Variants in DPF1 observed in about 807,000 individuals in gnomAD.
The protein encoded by DPF1 is double PHD fingers 1.
Under a neutral mutation model 58.7 loss-of-function variants are expected in DPF1, and 14 were observed. The observed-to-expected ratio is 0.24, with a 90% CI of 0.16 to 0.37. The LOEUF (loss-of-function observed/expected upper bound fraction) is 0.37, where lower values mean the gene tolerates loss of function less well. Among genes scored for constraint, DPF1 ranks in the 10% least tolerant of loss-of-function variants. The pLI is 1.00. For missense variants in DPF1, 345 were observed against 529.9 expected (o/e 0.65, Z 3.43); for synonymous variants, 216 against 216.0 (o/e 1.00, Z 0.00).
rs1451922074 is a variant in DPF1, at chr19:38,213,659, T to G, written c.996A>C (p.Gly332=). The G allele has an allele frequency of 6.2e-7, 1 of 1,613,226 alleles. No homozygotes were observed. The highest frequency in any genetic ancestry group is 2.2e-5 in the East Asian group (1 of 44,832). ...CIECKSCSLC[G]TSENDDQLLF... ...CGGCACTCACGTCGTTCTCGGAGGT[T>G]CCGCACAGGCTGCAGGATTTGCACT... The change falls in exon 10 of 12, where the codon GGA becomes GGC. Residue 332 remains glycine, a synonymous_variant. Coordinates refer to ENST00000355526, the MANE Select transcript of DPF1 (RefSeq NM_001135155.3).
At position 38,222,208 on chromosome 19, in the gene DPF1, C is replaced by A. The variant is rs1357870524; in HGVS notation, c.298+149G>T. On this transcript the variant is annotated intron_variant, in intron 3 of 11. Coordinates refer to ENST00000355526, the MANE Select transcript of DPF1 (RefSeq NM_001135155.3). This position sits in a 1 kb window ranked among gnomAD's most constrained non-coding sequence, Gnocchi z 4.9. ...CAGTGACTCAGAGAAACTGTGGAAT[C>A]TCTGGGAAACACCCGGGACGCACAT... 1.5e-6 allele frequency: 1 copy of A among 662,864 alleles called. No homozygotes were observed. The highest frequency in any genetic ancestry group is 2.5e-6 in the Non-Finnish European group (1 of 405,202). 41.1% of individuals were successfully genotyped at this position (662,864 alleles called of 1,614,324 possible). A position where few individuals can be genotyped will look rare whatever the true frequency, so the allele number is the denominator to read the frequency against.
At chr19:38,224,735 C>T (rs911066538), upstream of DPF1, among the ~76,000 whole-genome samples, 3 of 152,172 alleles carry the variant, frequency 2.0e-5, no homozygotes, top group African/African-American at 7.2e-5. The surrounding 1 kb of genome is among the most constrained non-coding windows in gnomAD (Gnocchi z 4.5). Flanking sequence ...GTCACCCCGC[C>T]CTGCTCAACG....
chr19:38,212,046 C>T lies in DPF1; in HGVS notation c.*17G>A, dbSNP rs1286523347. On this transcript the variant is annotated 3_prime_UTR_variant, in exon 12 of 12. Coordinates refer to ENST00000355526, the MANE Select transcript of DPF1 (RefSeq NM_001135155.3). ...GTAGGCGAGCACCACCCCAGAGTCG[C>T]GGCGAGCCGAGCCGGCCTAGGTGAG... The T allele has an allele frequency of 3.7e-6, 6 of 1,602,328 alleles. No homozygotes were observed. Among genetic ancestry groups the T allele is most frequent in the Non-Finnish European group, 5.1e-6 (6 of 1,176,704 alleles).
At chr19:38,219,296 G>C in intron 3 of DPF1, 1 of 558,954 alleles carries the variant, frequency 1.8e-6, no homozygotes. Context: ...GAAAGCCTCA[G>C]AAAAAGACAC....
chr19:38,228,400 AC>A (rs1486861116), upstream of DPF1, among the ~76,000 whole-genome samples: 3 of 105,238 alleles, frequency 2.9e-5, no homozygotes, highest in Non-Finnish European at 4.2e-5. Context: ...CTCTCCCCCC[AC>A]CCCCCACCCC....
At chr19:38,228,913 A>G (rs1373583570), upstream of DPF1, among the ~76,000 whole-genome samples, 1 of 151,560 alleles carries the variant, frequency 6.6e-6, no homozygotes, top group African/African-American at 2.4e-5. Flanking sequence ...CCGGTCCCCA[A>G]AGGGATCAGA....
upstream of DPF1, among the ~76,000 whole-genome samples, chr19:38,226,235 C>G (rs1476843471): frequency 6.7e-6 from 1 of 149,920 alleles, no homozygotes; most frequent in East Asian, 2.0e-4. Context: ...ACACCACCAC[C>G]CCGTCCCCCC....
At chr19:38,223,139 T>G in intron 1 of DPF1, 1 of 170,964 alleles carries the variant, frequency 5.8e-6, no homozygotes, top group Non-Finnish European at 1.2e-5. Context: ...CCAAGTTCCA[T>G]AGTGTGGAGA....
chr19:38,218,448 C>T (rs1351880669), intron 5 of DPF1, 125 bp downstream of exon 5: 32 of 972,018 alleles, frequency 3.3e-5, no homozygotes, highest in African/African-American at 4.9e-5. Context: ...CCCTGCAGGC[C>T]GCTCTGGGGA....
rs749037867 is a variant in DPF1, at chr19:38,224,128, G to T, written c.15C>A (p.Ile5=). MATV[I]PGPLSLGEDF... Reference sequence around the variant, plus strand: ...GCCCGCACCACCTCAGGGGGCCAGGGATGACAGTGGCCATCTTGCTCCCCG... The same window carrying T: ...GCCCGCACCACCTCAGGGGGCCAGGTATGACAGTGGCCATCTTGCTCCCCG... The change falls in exon 1 of 12, where the codon ATC becomes ATA. Residue 5 remains isoleucine, a synonymous_variant. Coordinates refer to ENST00000355526, the MANE Select transcript of DPF1 (RefSeq NM_001135155.3). The surrounding 1 kb of genome is among the most constrained non-coding windows in gnomAD (Gnocchi z 4.5). 3 of 1,489,688 alleles carry T rather than the reference G, an allele frequency of 2.0e-6. No homozygotes were observed. In the Admixed American group the frequency reaches 8.2e-5, roughly 41 times the overall value. 92.3% of individuals were successfully genotyped at this position (1,489,688 alleles called of 1,614,324 possible).
At chr19:38,224,856 A>G (rs905410668), upstream of DPF1, among the ~76,000 whole-genome samples, 2 of 152,258 alleles carry the variant, frequency 1.3e-5, no homozygotes, top group African/African-American at 4.8e-5. This position sits in a 1 kb window ranked among gnomAD's most constrained non-coding sequence, Gnocchi z 4.5. Flanking sequence ...CAAATGACTT[A>G]ACCTTTCTGG....
chr19:38,222,522 C>T lies in DPF1; in HGVS notation c.190+26G>A, dbSNP rs371842660. The T allele has an allele frequency of 3.2e-4, 510 of 1,605,900 alleles. No individual in the cohort carries two copies. In the Middle Eastern group the frequency reaches 3.4e-3, roughly 11 times the overall value. ...GGTGGGGCGGCCTGGCCCCGCCCCG[C>T]CCTGCGCCAGCCCTCCCGGCGGTAC... On this transcript the variant is annotated intron_variant, in intron 2 of 11. Transcript: ENST00000355526. This position sits in a 1 kb window ranked among gnomAD's most constrained non-coding sequence, Gnocchi z 4.9.
chr19:38,222,479 G>C lies in DPF1; in HGVS notation c.191-15C>G. The C allele has an allele frequency of 6.3e-7, 1 of 1,582,584 alleles. No individual in the cohort carries two copies. The highest frequency in any genetic ancestry group is 8.5e-7 in the Non-Finnish European group (1 of 1,170,008). ...CGGGGCCAAACCTGGAGAGAGAGGG[G>C]GGTGAGAGGGCGGCGGCGGTGGGGC... On this transcript the variant is annotated splice_polypyrimidine_tract_variant and intron_variant, in intron 2 of 11. Transcript: ENST00000355526. The surrounding 1 kb of genome is among the most constrained non-coding windows in gnomAD (Gnocchi z 4.9).
At chr19:38,227,907 A>T (rs1269416949), upstream of DPF1, 1 of 152,174 alleles carries the variant, frequency 6.6e-6, no homozygotes, top group Non-Finnish European at 1.5e-5. Context: ...TTGGAAGGGA[A>T]GGGCACAGAG....
rs1023438978 is a variant in DPF1 at position 38,211,890 on chromosome 19, C to G, written c.*173G>C. On this transcript the variant is annotated 3_prime_UTR_variant, in exon 12 of 12. Transcript: ENST00000355526. The surrounding 1 kb of genome is among the most constrained non-coding windows in gnomAD (Gnocchi z 4.0). Reference sequence around the variant, plus strand: ...AGGGAGAGGCCCTGGCCGGGCCCACCCACCCACAGGGCAGACATTCCACTT... The same window carrying G: ...AGGGAGAGGCCCTGGCCGGGCCCACGCACCCACAGGGCAGACATTCCACTT... 1.4e-5 allele frequency: 10 copies of G among 694,004 alleles called. No individual in the cohort carries two copies. The highest frequency in any genetic ancestry group is 8.1e-4 in the Middle Eastern group (2 of 2,468). 43.0% of individuals were successfully genotyped at this position (694,004 alleles called of 1,614,324 possible).
At position 38,222,546 on chromosome 19, in the gene DPF1, ACCCGG is replaced by A; in HGVS notation, c.187_190+1del. On this transcript the variant is annotated splice_donor_variant and coding_sequence_variant, in exon 2 of 12. Coordinates refer to ENST00000355526, the MANE Select transcript of DPF1 (RefSeq NM_001135155.3). LOFTEE classifies it high-confidence loss of function. This position sits in a 1 kb window ranked among gnomAD's most constrained non-coding sequence, Gnocchi z 4.9. ...GCCCTGCGCCAGCCCTCCCGGCGGT[ACCCGG>A]CCCGCGGTGGGTCTTCTCCATCCAG... 1 of 1,606,034 alleles carries A rather than the reference ACCCGG, an allele frequency of 6.2e-7. No homozygotes were observed. Among genetic ancestry groups the A allele is most frequent in the African/African-American group, 1.3e-5 (1 of 74,338 alleles).
At chr19:38,223,106 A>C in intron 1 of DPF1, 5 of 192,602 alleles carry the variant, frequency 2.6e-5, no homozygotes, top group East Asian at 1.3e-4. Flanking sequence ...ACACATAAAT[A>C]TCTACTGAAA....
At chr19:38,213,035 G>A (rs1019791545) in intron 10 of DPF1, among the ~76,000 whole-genome samples, 1 of 150,834 alleles carries the variant, frequency 6.6e-6, no homozygotes, top group African/African-American at 2.4e-5. Context: ...ACCCAGGCTG[G>A]AGTGTGCAGT....
chr19:38,217,319 C>T, intron 7 of DPF1, 141 bp downstream of exon 7: 3 of 1,185,704 alleles, frequency 2.5e-6, no homozygotes, highest in African/African-American at 3.1e-5. Flanking sequence ...AGCCAGCATC[C>T]CCATGGTCGG....
Sources: allele counts gnomAD v4.1 joint callset (sites outside exome capture counted in the v4.1 genomes callset), GRCh38; gene constraint gnomAD v4.1.1; non-coding constraint Gnocchi (gnomAD v3.1); transcripts MANE v1.5; gene names NCBI Gene and HGNC (gene_info 2026-07-23, HGNC 2026-07-21).